The following ACOT8 variants were observed in gnomAD, a reference collection of about 807,000 sequenced individuals.
ACOT8 encodes the protein acyl-CoA thioesterase 8, also known as acyl-coenzyme A thioesterase 8.
A neutral mutation model predicts 38.4 loss-of-function variants in ACOT8; 31 were observed. That is an observed-to-expected ratio of 0.81 (90% CI 0.61 to 1.09). The LOEUF (loss-of-function observed/expected upper bound fraction) is 1.09, where lower values mean the gene tolerates loss of function less well. ACOT8 is among the 50% of genes least tolerant of loss of function. The probability of loss-of-function intolerance (pLI) is 0.00; values close to 1 mark genes in which losing one functional copy is unlikely to be tolerated. For missense variants in ACOT8, 373 were observed against 421.8 expected, an observed-to-expected ratio of 0.88 and a Z score of 1.01; for synonymous variants, 158 against 170.3, an observed-to-expected ratio of 0.93 and a Z score of 0.56.
intron 1 of ACOT8, among the ~76,000 whole-genome samples, chr20:45,856,578 G>C (rs1047258537): frequency 1.3e-5 from 2 of 151,860 alleles, no homozygotes; most frequent in African/African-American, 2.4e-5. Flanking sequence ...TAATCAGGAG[G>C]CTGAGGCAGG....
At chr20:45,850,903 C>G (rs1985013560) in intron 2 of ACOT8, among the ~76,000 whole-genome samples, 1 of 151,980 alleles carries the variant, frequency 6.6e-6, no homozygotes, top group South Asian at 2.1e-4. Context: ...AAGGCACTGG[C>G]CAGGGATAAG....
At chr20:45,856,860 G>A (rs1028030125) in intron 1 of ACOT8, among the ~76,000 whole-genome samples, 1 of 152,234 alleles carries the variant, frequency 6.6e-6, no homozygotes, top group African/African-American at 2.4e-5. Flanking sequence ...CGGTTTTAAG[G>A]CTGATCCATC....
chr20:45,844,498 C>T, intron 3 of ACOT8, 78 bp from the exon 4 acceptor site: 1 of 1,503,988 alleles, frequency 6.6e-7, no homozygotes, highest in Non-Finnish European at 9.1e-7. Context: ...TTCTGACTCC[C>T]CTCATTCTTC....
Position 45,855,669 on chromosome 20 carries a change from C to CT in ACOT8, c.129-378dup, listed in dbSNP as rs796205540. Among the ~76,000 whole-genome samples, 28 of 152,294 alleles carry CT rather than the reference C, an allele frequency of 1.8e-4. 1 individual carries two copies. The highest frequency in any genetic ancestry group is 6.7e-4 in the African/African-American group (28 of 41,572). On this transcript the variant is annotated intron_variant, in intron 1 of 5. Transcript: ENST00000217455. ...TCAGGAGGCTGAGGCAGGAGAATCA[C>CT]TTGAACCCAGGAGGCAGAGGTTGAG...
At chr20:45,848,894 A>T (rs1333939132) in intron 2 of ACOT8, 1 of 443,896 alleles carries the variant, frequency 2.3e-6, no homozygotes, top group Admixed American at 4.1e-5. Flanking sequence ...AACAGCAGAG[A>T]CATTGACAGA....
Position 45,857,379 on chromosome 20 carries a change from C to A in ACOT8, c.-64G>T. ...GAAGACGCGGAGACATACACAGAAC[C>A]TGACTCTTCCGGCAGATTGCCCTAG... On this transcript the variant is annotated 5_prime_UTR_variant, in exon 1 of 6. In the 5' UTR this introduces an upstream ATG that the reference lacks. Coordinates refer to ENST00000217455, the MANE Select transcript of ACOT8 (RefSeq NM_005469.4). 2 of 1,521,648 alleles carry A rather than the reference C, an allele frequency of 1.3e-6. No individual in the cohort carries two copies. Among genetic ancestry groups the A allele is most frequent in the Middle Eastern group, 2.0e-4 (1 of 4,892 alleles). 94.3% of individuals were successfully genotyped at this position (1,521,648 alleles called of 1,614,324 possible). A position where few individuals can be genotyped will look rare whatever the true frequency, so the allele number is the denominator to read the frequency against.
intron 4 of ACOT8, chr20:45,843,928 T>C: frequency 9.3e-7 from 1 of 1,072,980 alleles, no homozygotes; most frequent in African/African-American, 1.6e-5. Flanking sequence ...AAATTCAGTC[T>C]TCACCACCCA....
chr20:45,848,877 C>T (rs1415982253), intron 2 of ACOT8: 2 of 474,796 alleles, frequency 4.2e-6, no homozygotes, highest in Non-Finnish European at 7.4e-6. Context: ...TTTTCTCTAA[C>T]AGCACAAACA....
chr20:45,847,362 T>C (rs1984747973), intron 3 of ACOT8, among the ~76,000 whole-genome samples: 1 of 151,910 alleles, frequency 6.6e-6, no homozygotes. Context: ...GGGAATCACT[T>C]AGGGGGCTGG....
intron 2 of ACOT8, among the ~76,000 whole-genome samples, chr20:45,854,487 G>A (rs892744652): frequency 3.3e-5 from 5 of 152,160 alleles, no homozygotes; most frequent in African/African-American, 1.2e-4. Flanking sequence ...GGGATTACAG[G>A]CGTGAGCCAC....
At position 45,844,223 on chromosome 20, in the gene ACOT8, C is replaced by T. The variant is rs370993142; in HGVS notation, c.646+40G>A. ...CACACAGCAAATGAGTGGTAGACCC[C>T]TTGGAGAGTGGTTTCCTCCCATCCA... On this transcript the variant is annotated intron_variant, in intron 4 of 5. Coordinates refer to ENST00000217455, the MANE Select transcript of ACOT8 (RefSeq NM_005469.4). 6.8e-6 allele frequency: 11 copies of T among 1,613,616 alleles called. No homozygotes were observed. The African/African-American group carries it at 8.0e-5, about 12-fold the overall frequency.
At chr20:45,842,070 G>C (rs1435984905) in intron 5 of ACOT8, 114 bp from the exon 6 acceptor site, 1 of 1,541,478 alleles carries the variant, frequency 6.5e-7, no homozygotes, top group Non-Finnish European at 8.7e-7. Flanking sequence ...CAAGCGCCTG[G>C]GTTCAAGGGA....
chr20:45,855,000 G>A (rs761891898), intron 2 of ACOT8, among the ~76,000 whole-genome samples, 159 bp downstream of exon 2: 4 of 152,158 alleles, frequency 2.6e-5, no homozygotes, highest in Non-Finnish European at 4.4e-5. Context: ...GTTAGCCCCA[G>A]ACCTCGTTCC....
chr20:45,843,599 G>C lies in ACOT8; in HGVS notation c.769C>G (p.His257Asp). 6.2e-7 allele frequency: 1 copy of C among 1,613,784 alleles called. No individual in the cohort carries two copies. The highest frequency in any genetic ancestry group is 8.5e-7 in the Non-Finnish European group (1 of 1,179,726). The change falls in exon 5 of 6, where the codon CAT becomes GAT. Residue 257 changes from histidine (H) to aspartate (D), a missense_variant. By Grantham distance (81) the His-to-Asp change is moderately conservative. Transcript: ENST00000217455. ...AAGGGGGCGTGGAACCACATGGAATGGTCCAGTGAGACCATGAAGTGCACC... is the reference window on the plus strand; with the variant it reads ...AAGGGGGCGTGGAACCACATGGAATCGTCCAGTGAGACCATGAAGTGCACC... ...HKVHFMVSLD[H>D]SMWFHAPFRA... is the part of the protein sequence containing the mutation.
chr20:45,841,834 C>A lies in ACOT8; in HGVS notation c.*4G>T, dbSNP rs994405666. 1 of 1,598,904 alleles carries A rather than the reference C, an allele frequency of 6.3e-7. No homozygotes were observed. The highest frequency in any genetic ancestry group is 1.7e-4 in the Middle Eastern group (1 of 5,926). On this transcript the variant is annotated 3_prime_UTR_variant, in exon 6 of 6. Transcript: ENST00000217455. ...GAAGCCCCAGGCGAAGCTGGTACCT[C>A]TGGCTACAGCTTGCTCTCTGAGACC...
chr20:45,849,044 G>A (rs912559051), intron 2 of ACOT8: 27 of 189,594 alleles, frequency 1.4e-4, no homozygotes, highest in African/African-American at 4.9e-4. Flanking sequence ...AAATGAATCC[G>A]TAGTTGTAAA....
chr20:45,857,352 C>T lies in ACOT8; in HGVS notation c.-37G>A, dbSNP rs750906998. The T allele has an allele frequency of 1.5e-5, 23 of 1,560,824 alleles. No homozygotes were observed. The highest frequency in any genetic ancestry group is 8.7e-7 in the Non-Finnish European group (1 of 1,154,154). On this transcript the variant is annotated 5_prime_UTR_variant, in exon 1 of 6. Transcript: ENST00000217455. ...CTGCAGGCCCTGCACACCCGCTCCG[C>T]GGAAGACGCGGAGACATACACAGAA...
At chr20:45,842,319 C>G in intron 5 of ACOT8, 1 of 1,403,576 alleles carries the variant, frequency 7.1e-7, no homozygotes, top group African/African-American at 1.4e-5. Context: ...CACACCTCTC[C>G]TCGCTTCCTC....
At chr20:45,855,365 A>G in intron 1 of ACOT8, 73 bp from the exon 2 acceptor site, 1 of 1,557,080 alleles carries the variant, frequency 6.4e-7, no homozygotes, top group Non-Finnish European at 8.8e-7. Context: ...TAAGACTCTA[A>G]TGCATGATCT....
Sources: allele counts gnomAD v4.1 joint callset (sites outside exome capture counted in the v4.1 genomes callset), GRCh38; gene constraint gnomAD v4.1.1; transcripts MANE v1.5; gene names NCBI Gene and HGNC (gene_info 2026-07-23, HGNC 2026-07-21).